HMCN2: variants seen among roughly 807,000 people sequenced by gnomAD.
The protein encoded by HMCN2 is hemicentin-2.
A neutral mutation model predicts 377.5 loss-of-function variants in HMCN2; 325 were observed. That is an observed-to-expected ratio of 0.86 (90% CI 0.79 to 0.94). The LOEUF (loss-of-function observed/expected upper bound fraction) is 0.94, where lower values mean the gene tolerates loss of function less well. HMCN2 is among the 40% of genes least tolerant of loss of function. The probability of loss-of-function intolerance (pLI) is 0.00; values close to 1 mark genes in which losing one functional copy is unlikely to be tolerated. For synonymous variants in HMCN2, 2,007 were observed against 2,046.8 expected (o/e 0.98, Z 0.53); for missense variants, 4,543 against 4,725.3 (o/e 0.96, Z 1.13).
rs182925602 is a variant in HMCN2, at chr9:130,429,222, T to A, written c.14198-335T>A. 4.7e-4 allele frequency: 144 copies of A among 304,868 alleles called. 1 individual carries two copies. The Admixed American group carries it at 6.7e-3, about 14-fold the overall frequency. The allele number at this position is 304,868 out of a possible 1,614,324, so 18.9% of individuals were successfully genotyped here. On this transcript the variant is annotated intron_variant, in intron 93 of 97. Coordinates refer to ENST00000683500, the MANE Select transcript of HMCN2 (RefSeq NM_001291815.2). ...TCCTCACCACGACCCCATGAAGAGG[T>A]CACATCTTTACCCTCTTTATGGATG...
rs1006545323 is a variant in HMCN2 at position 130,343,686 on chromosome 9, C to T, written c.3829+1250C>T. Among the ~76,000 whole-genome samples, 68 of 152,382 alleles carry T rather than the reference C, an allele frequency of 4.5e-4. 1 individual carries two copies. The highest frequency in any genetic ancestry group is 6.8e-3 in the Middle Eastern group (2 of 294). ...CCTGACTGCCACACACAGCCCTGGT[C>T]AGTCAGGGACCAGTCCTGAGCCTGT... On this transcript the variant is annotated intron_variant, in intron 25 of 97. Transcript: ENST00000683500.
At position 130,391,080 on chromosome 9, in the gene HMCN2, C is replaced by A; in HGVS notation, c.9627C>A (p.Thr3209=). ...AGTYTCVAEN[T]QAEARKDFVV... is the part of the protein sequence containing the mutation. ...CCTACACGTGCGTGGCTGAGAACAC[C>A]CAGGCTGAGGCCCGCAAGGACTTCG... The change falls in exon 63 of 98, where the codon ACC becomes ACA. Residue 3209 remains threonine, a synonymous_variant. Coordinates refer to ENST00000683500, the MANE Select transcript of HMCN2 (RefSeq NM_001291815.2). The A allele has an allele frequency of 1.0e-6, 1 of 987,758 alleles. No individual in the cohort carries two copies. 61.2% of individuals were successfully genotyped at this position (987,758 alleles called of 1,614,324 possible).
At chr9:130,432,733 C>A in intron 97 of HMCN2, 178 bp downstream of exon 97, 1 of 642,806 alleles carries the variant, frequency 1.6e-6, no homozygotes, top group Non-Finnish European at 2.7e-6. Flanking sequence ...CAGGAGCACA[C>A]ACACCAAACC....
chr9:130,328,136 C>T (rs916911009), intron 22 of HMCN2, among the ~76,000 whole-genome samples: 2 of 152,312 alleles, frequency 1.3e-5, no homozygotes, highest in East Asian at 3.9e-4. Context: ...TGCCCTGTAA[C>T]GTGACCCCCG....
intron 85 of HMCN2, among the ~76,000 whole-genome samples, chr9:130,412,233 A>G (rs1843464540): frequency 6.6e-6 from 1 of 152,200 alleles, no homozygotes; most frequent in African/African-American, 2.4e-5. Flanking sequence ...TGGCCCCCCA[A>G]AGTGCTGGGA....
chr9:130,332,979 G>A (rs1469742496), intron 22 of HMCN2, among the ~76,000 whole-genome samples: 1 of 152,196 alleles, frequency 6.6e-6, no homozygotes, highest in Non-Finnish European at 1.5e-5. Context: ...GAGACAGCGG[G>A]GGTCTGGGGA....
Position 130,365,869 on chromosome 9 carries a change from G to A in HMCN2, c.6506-7G>A, listed in dbSNP as rs1840664714. The A allele has an allele frequency of 9.1e-6, 9 of 985,432 alleles. No homozygotes were observed. The Admixed American group carries it at 5.5e-4, about 61-fold the overall frequency. 61.0% of individuals were successfully genotyped at this position (985,432 alleles called of 1,614,324 possible). A position where few individuals can be genotyped will look rare whatever the true frequency, so the allele number is the denominator to read the frequency against. Reference sequence around the variant, plus strand: ...CCCCCACTAACTCTCTCTCTGCTCTGACTCAGTTGCTCCAGTGTTCCCCTT... The same window carrying A: ...CCCCCACTAACTCTCTCTCTGCTCTAACTCAGTTGCTCCAGTGTTCCCCTT... On this transcript the variant is annotated splice_polypyrimidine_tract_variant and splice_region_variant and intron_variant, in intron 42 of 97. Transcript: ENST00000683500.
At chr9:130,300,403 A>G (rs1363672968) in intron 8 of HMCN2, among the ~76,000 whole-genome samples, 3 of 152,154 alleles carry the variant, frequency 2.0e-5, no homozygotes, top group Non-Finnish European at 1.5e-5. Flanking sequence ...CATAATCACA[A>G]TCACTGTCAT....
At chr9:130,402,695 T>TGACC (rs565675449) in intron 77 of HMCN2, 94 bp from the exon 78 acceptor site, 78 of 683,278 alleles carry the variant, frequency 1.1e-4, no homozygotes, top group South Asian at 1.0e-3. Context: ...GCAGGTTGAG[T>TGACC]GACCAGAGAC....
intron 28 of HMCN2, among the ~76,000 whole-genome samples, 169 bp from the exon 29 acceptor site, chr9:130,349,368 C>T (rs1224598213): frequency 6.6e-6 from 1 of 152,076 alleles, no homozygotes; most frequent in Admixed American, 6.5e-5. Context: ...AGTCTGGGTG[C>T]TGAGGGCTCC....
At chr9:130,413,739 G>GCGCACACACACGCACGTGCACA (rs1564871959) in intron 85 of HMCN2, among the ~76,000 whole-genome samples, 2 of 151,594 alleles carry the variant, frequency 1.3e-5, no homozygotes, top group Non-Finnish European at 2.9e-5. Flanking sequence ...GCATGTGCAC[G>GCGCACACACACGCACGTGCACA]TGCGCACACA....
chr9:130,281,308 G>C (rs781963323), intron 1 of HMCN2, among the ~76,000 whole-genome samples: 4 of 152,038 alleles, frequency 2.6e-5, no homozygotes, highest in Non-Finnish European at 5.9e-5. Flanking sequence ...GGGCTTCCAC[G>C]TTCTCCTCTG....
chr9:130,373,733 G>GATGGATGGATGGA (rs1564828411), intron 48 of HMCN2, among the ~76,000 whole-genome samples: 2 of 21,198 alleles, frequency 9.4e-5, no homozygotes. Context: ...GGATGGATAG[G>GATGGATGGATGGA]TAGGTGGATG....
In HMCN2 at chr9:130,342,054, A is replaced by AAT. The variant is rs1554947872; in HGVS notation, c.3743-294_3743-293dup. 3.1e-3 allele frequency among the ~76,000 whole-genome samples: 464 copies of AAT among 151,050 alleles called. 1 individual carries two copies. The highest frequency in any genetic ancestry group is 4.9e-3 in the Non-Finnish European group (333 of 67,618). ...AAATAAATAAATAAATAAATAAATA[A>AAT]ATAAATAAAAGCTTGGAAAGCCACT... On this transcript the variant is annotated intron_variant, in intron 24 of 97. Transcript: ENST00000683500.
rs1014354058 is a variant in HMCN2, at chr9:130,347,161, G to T, written c.3830-5G>T. The T allele has an allele frequency of 6.6e-6, 1 of 152,202 alleles. No homozygotes were observed. The highest frequency in any genetic ancestry group is 1.5e-5 in the Non-Finnish European group (1 of 68,048). The allele number at this position is 152,202 out of a possible 1,614,324, so 9.4% of individuals were successfully genotyped here. On this transcript the variant is annotated splice_region_variant and splice_polypyrimidine_tract_variant and intron_variant, in intron 25 of 97. Transcript: ENST00000683500. This position sits in a 1 kb window ranked among gnomAD's most constrained non-coding sequence, Gnocchi z 5.1. ...TTGTACTGATGACTCCATGCACCCTGCCAGGAACGCCCAAGCCGCAGGTCA... is the reference window on the plus strand; with the variant it reads ...TTGTACTGATGACTCCATGCACCCTTCCAGGAACGCCCAAGCCGCAGGTCA...
chr9:130,385,394 G>A (rs1022483499), intron 59 of HMCN2, among the ~76,000 whole-genome samples, 166 bp from the exon 60 acceptor site: 2 of 151,434 alleles, frequency 1.3e-5, no homozygotes, highest in African/African-American at 2.4e-5. Context: ...GGTCCTTGGC[G>A]TGCTGGCCTG....
chr9:130,396,429 G>T lies in HMCN2; in HGVS notation c.11198+116G>T. 3.5e-6 allele frequency: 3 copies of T among 862,510 alleles called. No individual in the cohort carries two copies. The South Asian group carries it at 4.9e-5, about 14-fold the overall frequency. 53.4% of individuals were successfully genotyped at this position (862,510 alleles called of 1,614,324 possible). ...AAGTGACTTTATCATCAGGACGTGG[G>T]GTGTCTCAGAACACAAGGACAGGCC... On this transcript the variant is annotated intron_variant, in intron 73 of 97. Transcript: ENST00000683500.
intron 4 of HMCN2, among the ~76,000 whole-genome samples, chr9:130,292,137 C>T (rs527749713): frequency 6.9e-4 from 104 of 151,670 alleles, no homozygotes; most frequent in African/African-American, 2.4e-3. Context: ...AGTGTGTCTT[C>T]TGTTGTATCA....
At position 130,369,893 on chromosome 9, in the gene HMCN2, T is replaced by A. The variant is rs1564824346; in HGVS notation, c.7069+42T>A. ...GCTGGAGGAGTTGGGCTGGGGCAGA[T>A]TAGAGTGGGCAAGGTGGGTTCAATC... On this transcript the variant is annotated intron_variant, in intron 45 of 97. Coordinates refer to ENST00000683500, the MANE Select transcript of HMCN2 (RefSeq NM_001291815.2). This position sits in a 1 kb window ranked among gnomAD's most constrained non-coding sequence, Gnocchi z 4.5. 1.0e-6 allele frequency: 1 copy of A among 981,820 alleles called. No individual in the cohort carries two copies. The highest frequency in any genetic ancestry group is 1.2e-6 in the Non-Finnish European group (1 of 826,872). The allele number at this position is 981,820 out of a possible 1,614,324, so 60.8% of individuals were successfully genotyped here.
Sources: allele counts gnomAD v4.1 joint callset (sites outside exome capture counted in the v4.1 genomes callset), GRCh38; gene constraint gnomAD v4.1.1; non-coding constraint Gnocchi (gnomAD v3.1); transcripts MANE v1.5; gene names NCBI Gene and HGNC (gene_info 2026-07-23, HGNC 2026-07-21).